PTCHD4: variants seen among roughly 807,000 people sequenced by gnomAD.
PTCHD4 encodes the protein patched domain-containing protein 4.
PTCHD4 carries 33 observed loss-of-function variants against 58.1 expected under a neutral mutation model. The observed-to-expected ratio is 0.57, with a 90% CI of 0.43 to 0.76. The LOEUF (loss-of-function observed/expected upper bound fraction) is 0.76. PTCHD4 is among the 30% of genes least tolerant of loss of function. The pLI, the probability that PTCHD4 is intolerant of heterozygous loss-of-function variation, is 0.00. For missense variants in PTCHD4, 1,058 were observed against 1,027.1 expected (o/e 1.03, Z -0.41); for synonymous variants, 478 against 409.6 (o/e 1.17, Z -2.02).
intron 4 of PTCHD4, among the ~76,000 whole-genome samples, chr6:47,987,419 TA>T (rs748765717): frequency 0.017 from 2,352 of 138,860 alleles, 33 homozygotes; most frequent in African/African-American, 0.047. Flanking sequence ...AAAAAAAGAT[TA>T]AAAAAAAAAA....
At chr6:48,100,752 T>C (rs1765587745) in intron 1 of PTCHD4, among the ~76,000 whole-genome samples, 2 of 152,236 alleles carry the variant, frequency 1.3e-5, no homozygotes, top group Admixed American at 6.5e-5. Flanking sequence ...CTCATTGTTC[T>C]GTGTGTTTCT....
chr6:47,930,047 T>C (rs981809143), intron 4 of PTCHD4, among the ~76,000 whole-genome samples: 9 of 152,210 alleles, frequency 5.9e-5, no homozygotes, highest in Non-Finnish European at 1.0e-4. Flanking sequence ...TTTTGACTAG[T>C]TCTATTGACT....
At chr6:47,985,993 T>C (rs547207325) in intron 4 of PTCHD4, among the ~76,000 whole-genome samples, 1 of 152,064 alleles carries the variant, frequency 6.6e-6, no homozygotes, top group East Asian at 1.9e-4. Context: ...ATTGATATAA[T>C]ATATTAATAC....
chr6:48,009,654 C>T (rs1250510054), intron 3 of PTCHD4, among the ~76,000 whole-genome samples: 1 of 152,148 alleles, frequency 6.6e-6, no homozygotes, highest in Non-Finnish European at 1.5e-5. Context: ...AATATAATTG[C>T]ATACCGAAGA....
chr6:47,968,575 A>G (rs1304598306), intron 4 of PTCHD4, among the ~76,000 whole-genome samples: 1 of 152,204 alleles, frequency 6.6e-6, no homozygotes, highest in Non-Finnish European at 1.5e-5. Context: ...GGATTTGTAA[A>G]TAAGCCTTTG....
At chr6:47,986,429 T>C (rs1419290922) in intron 4 of PTCHD4, among the ~76,000 whole-genome samples, 2 of 152,194 alleles carry the variant, frequency 1.3e-5, no homozygotes, top group African/African-American at 2.4e-5. Flanking sequence ...GGATAGGTGG[T>C]ATACTTACAA....
intron 3 of PTCHD4, among the ~76,000 whole-genome samples, chr6:48,059,332 G>A (rs367867439): frequency 3.3e-5 from 5 of 152,096 alleles, no homozygotes; most frequent in African/African-American, 1.2e-4. Flanking sequence ...TATTATGAGG[G>A]AAGTGTTACA....
intron 4 of PTCHD4, among the ~76,000 whole-genome samples, chr6:47,965,954 C>A (rs897565924): frequency 2.0e-5 from 3 of 151,400 alleles, no homozygotes; most frequent in African/African-American, 4.9e-5. Flanking sequence ...AAAACAACAA[C>A]AAAAAAAACC....
At position 48,008,691 on chromosome 6, in the gene PTCHD4, A is replaced by C; in HGVS notation, c.841T>G (p.Phe281Val). The change falls in exon 4 of 5, where the codon TTC becomes GTC. Residue 281 changes from phenylalanine (F) to valine (V), a missense_variant. By Grantham distance (50) the Phe-to-Val change is conservative (BLOSUM62 -1). Coordinates refer to ENST00000339488, the MANE Select transcript of PTCHD4 (RefSeq NM_001384253.1). ...ISIITAAGIFFITDGKYNSTL... is the reference protein window; with the variant it reads ...ISIITAAGIFVITDGKYNSTL... ...GAGTTGTACTTTCCATCGGTGATGA[A>C]GAAGATCCCTGCTGCTGTGATGATG... 6.2e-7 allele frequency: 1 copy of C among 1,613,670 alleles called. No individual in the cohort carries two copies. Among genetic ancestry groups the C allele is most frequent in the Non-Finnish European group, 8.5e-7 (1 of 1,179,798 alleles).
rs1332791231 is a variant in PTCHD4, at chr6:48,069,164, G to A, written c.-207C>T. Among the ~76,000 whole-genome samples, 139 of 126,328 alleles carry A rather than the reference G, an allele frequency of 1.1e-3. No individual in the cohort carries two copies. Among genetic ancestry groups the A allele is most frequent in the African/African-American group, 3.3e-3 (113 of 34,230 alleles). The allele number at this position is 126,328 out of a possible 152,430, so 82.9% of individuals were successfully genotyped here. On this transcript the variant is annotated 5_prime_UTR_variant, in exon 2 of 5. Coordinates refer to ENST00000339488, the MANE Select transcript of PTCHD4 (RefSeq NM_001384253.1). ...AAGGGGGGGGGGGCTGAGGGGGGGA[G>A]AGGAGGGAGAAGGGCGGGAGCACGT...
At chr6:48,013,638 G>A (rs748484924) in intron 3 of PTCHD4, among the ~76,000 whole-genome samples, 2 of 151,920 alleles carry the variant, frequency 1.3e-5, no homozygotes, top group African/African-American at 4.8e-5. Context: ...CCAATTAGGC[G>A]CATTTATTTT....
At chr6:47,904,910 C>T (rs1486912671) in intron 4 of PTCHD4, among the ~76,000 whole-genome samples, 3 of 151,936 alleles carry the variant, frequency 2.0e-5, no homozygotes, top group Non-Finnish European at 4.4e-5. Flanking sequence ...TAGATGAGGC[C>T]AATGGAAATG....
At chr6:47,899,314 A>AT (rs1764625646) in intron 4 of PTCHD4, among the ~76,000 whole-genome samples, 1 of 152,176 alleles carries the variant, frequency 6.6e-6, no homozygotes, top group Non-Finnish European at 1.5e-5. Flanking sequence ...CTGTACTATA[A>AT]TTATCACAGG....
chr6:47,882,926 C>T (rs973794345), intron 4 of PTCHD4, among the ~76,000 whole-genome samples: 5 of 151,386 alleles, frequency 3.3e-5, no homozygotes, highest in Non-Finnish European at 7.4e-5. Flanking sequence ...CTCTGCAGGA[C>T]ATCTGGTAAA....
chr6:47,986,982 G>A (rs1364027392), intron 4 of PTCHD4, among the ~76,000 whole-genome samples: 2 of 151,618 alleles, frequency 1.3e-5, no homozygotes, highest in Non-Finnish European at 2.9e-5. Context: ...ACTTCTCATG[G>A]TGGCAAAACC....
intron 4 of PTCHD4, among the ~76,000 whole-genome samples, chr6:47,998,802 AGGTC>A (rs1284195229): frequency 2.0e-5 from 3 of 152,190 alleles, no homozygotes; most frequent in Non-Finnish European, 4.4e-5. Context: ...TTCATTAGAA[AGGTC>A]TGACACAGTA....
intron 4 of PTCHD4, among the ~76,000 whole-genome samples, chr6:47,989,709 T>C (rs1001674879): frequency 1.3e-5 from 2 of 152,100 alleles, no homozygotes; most frequent in Non-Finnish European, 2.9e-5. Context: ...TCGGAAGATG[T>C]ATGGAAACAC....
At chr6:47,914,174 T>C (rs1275723632) in intron 4 of PTCHD4, among the ~76,000 whole-genome samples, 3 of 152,304 alleles carry the variant, frequency 2.0e-5, no homozygotes, top group South Asian at 2.1e-4. Context: ...TTTTGTTTTC[T>C]TTACCAGTAT....
At chr6:48,108,667 A>G (rs1259562366) in intron 1 of PTCHD4, among the ~76,000 whole-genome samples, 1 of 151,968 alleles carries the variant, frequency 6.6e-6, no homozygotes, top group Admixed American at 6.6e-5. Flanking sequence ...CTCCAAGTTG[A>G]TTCTGGGAGA....
Sources: gnomAD v4.1 joint callset for allele counts (sites outside exome capture counted in the v4.1 genomes callset) on GRCh38, gnomAD v4.1.1 for gene constraint, MANE v1.5 for transcripts, NCBI Gene and HGNC (gene_info 2026-07-23, HGNC 2026-07-21) for gene names.